The following NLRP12 variants were observed in gnomAD, a reference collection of about 807,000 sequenced individuals.
NLRP12 encodes NACHT, LRR and PYD domains-containing protein 12.
In NLRP12, 108 loss-of-function variants were observed where a neutral mutation model predicts 91.2. That is an observed-to-expected ratio of 1.18 (90% CI 1.01 to 1.39). NLRP12 has a LOEUF of 1.39. Among genes scored for constraint, NLRP12 ranks in the 40% most tolerant of loss-of-function variants. The probability of loss-of-function intolerance (pLI) is 0.00; values close to 1 mark genes in which losing one functional copy is unlikely to be tolerated. For missense variants in NLRP12, 1,530 were observed against 1,352.7 expected (o/e 1.13, Z -2.06); for synonymous variants, 613 against 566.7 (o/e 1.08, Z -1.16).
intron 6 of NLRP12, 45 bp from the exon 7 acceptor site, chr19:53,801,442 CTTTTTCTTTTTTTTTT>C: frequency 7.7e-7 from 1 of 1,301,338 alleles, no homozygotes; most frequent in East Asian, 2.7e-5. Flanking sequence ...GCTTTCCTTT[CTTTTTCTTTTTTTTTT>C]TTTTTTTTTT....
At chr19:53,819,437 ATATATATATATATATATATATGTG>A (rs1166198506) in intron 1 of NLRP12, among the ~76,000 whole-genome samples, 1 of 22,918 alleles carries the variant, frequency 4.4e-5, no homozygotes, top group African/African-American at 1.4e-4. Context: ...ATATATATAT[ATATATATATATATATATATATGTG>A]TGTGTGTGTG....
Position 53,811,258 on chromosome 19 carries a change from C to T in NLRP12, c.401G>A (p.Arg134His), listed in dbSNP as rs2092071303. ...GTCTTCCATGAGCCGGAATTTCCTG[C>T]GGACATAGTCCCTGTAGGTTTCCTG... Reference protein sequence around the residue: ...DPQETYRDYVRRKFRLMEDRN... With the variant: ...DPQETYRDYVHRKFRLMEDRN... Residue 134 changes from arginine (R) to histidine (H), a missense_variant, in exon 3 of 10, where the codon CGC becomes CAC. Transcript: ENST00000324134. 1 of 1,613,964 alleles carries T rather than the reference C, an allele frequency of 6.2e-7. No homozygotes were observed. The highest frequency in any genetic ancestry group is 8.5e-7 in the Non-Finnish European group (1 of 1,180,026).
At chr19:53,807,950 G>A (rs138549787) in intron 3 of NLRP12, 11,035 of 398,604 alleles carry the variant, frequency 0.028, 228 homozygotes, top group Middle Eastern at 0.041. Context: ...GGGTTTCACC[G>A]TGTTGGCCAG....
chr19:53,802,866 G>T lies in NLRP12; in HGVS notation c.2585+1086C>A, dbSNP rs150350628. ...ACAGCTCACTGCAGCCTTGGCCTCC[G>T]AGGCTCCTGAATAGCTGGGACTCCA... On this transcript the variant is annotated intron_variant, in intron 6 of 9. Transcript: ENST00000324134. Among the ~76,000 whole-genome samples, 118 of 152,122 alleles carry T rather than the reference G, an allele frequency of 7.8e-4. 1 individual carries two copies. The East Asian group carries it at 0.021, about 27-fold the overall frequency.
intron 1 of NLRP12, among the ~76,000 whole-genome samples, chr19:53,819,129 G>A (rs2092207985): frequency 6.6e-6 from 1 of 151,934 alleles, no homozygotes; most frequent in Non-Finnish European, 1.5e-5. Flanking sequence ...AGAAAAGTGG[G>A]ACTTTACTTT....
chr19:53,803,791 C>T, intron 6 of NLRP12, 161 bp downstream of exon 6: 1 of 696,774 alleles, frequency 1.4e-6, no homozygotes, highest in Non-Finnish European at 2.6e-6. Context: ...CCAGGCTGGT[C>T]TCGAACTCCT....
intron 1 of NLRP12, among the ~76,000 whole-genome samples, chr19:53,822,274 G>T (rs185036007): frequency 6.6e-6 from 1 of 152,210 alleles, no homozygotes; most frequent in Admixed American, 6.6e-5. Flanking sequence ...GTGTGTGTAC[G>T]TAAATTAGAA....
chr19:53,795,047 C>T (rs1012030676), intron 9 of NLRP12, among the ~76,000 whole-genome samples: 1 of 151,940 alleles, frequency 6.6e-6, no homozygotes, highest in Non-Finnish European at 1.5e-5. Context: ...AAAGGATCCT[C>T]CCACCTCAGC....
At chr19:53,806,638 G>C (rs1018363136) in intron 4 of NLRP12, among the ~76,000 whole-genome samples, 7 of 129,006 alleles carry the variant, frequency 5.4e-5, no homozygotes, top group African/African-American at 2.1e-4. Context: ...CCGAGATCAC[G>C]CTACTGCACT....
Position 53,810,081 on chromosome 19 carries a change from A to T in NLRP12, c.1578T>A (p.Tyr526Ter), listed in dbSNP as rs374537127. The T allele has an allele frequency of 1.6e-5, 26 of 1,614,044 alleles. No individual in the cohort carries two copies. The highest frequency in any genetic ancestry group is 2.2e-5 in the Non-Finnish European group (26 of 1,180,032). Residue 526 changes from tyrosine to a stop codon, truncating the protein, a stop_gained, in exon 3 of 10, where the codon TAT (tyrosine) becomes TAA (stop). Coordinates refer to ENST00000324134, the MANE Select transcript of NLRP12 (RefSeq NM_144687.4). LOFTEE classifies it high-confidence loss of function. ...SFQEFFAAMY[Y>*]ILDEGEGGAG... ...CCCCGCCCTCCCCCTCGTCCAGGATATAGTACATAGCTGCAAAGAATTCCT... is the reference window on the plus strand; with the variant it reads ...CCCCGCCCTCCCCCTCGTCCAGGATTTAGTACATAGCTGCAAAGAATTCCT...
At position 53,815,047 on chromosome 19, in the gene NLRP12, T is replaced by C. The variant is rs934301982; in HGVS notation, c.290-59A>G. 9.3e-6 allele frequency: 12 copies of C among 1,285,046 alleles called. 1 individual carries two copies. The highest frequency in any genetic ancestry group is 1.4e-5 in the Non-Finnish European group (12 of 880,570). 79.6% of individuals were successfully genotyped at this position (1,285,046 alleles called of 1,614,324 possible). A position where few individuals can be genotyped will look rare whatever the true frequency, so the allele number is the denominator to read the frequency against. Reference sequence around the variant, plus strand: ...GCATCTGGCTAGTAGCACCGCGTCATATTAGCTGCGATTACGTCGAAATGC... The same window carrying C: ...GCATCTGGCTAGTAGCACCGCGTCACATTAGCTGCGATTACGTCGAAATGC... On this transcript the variant is annotated intron_variant, in intron 1 of 9. Transcript: ENST00000324134.
chr19:53,805,343 A>G lies in NLRP12; in HGVS notation c.2351T>C (p.Phe784Ser). 1 of 1,614,034 alleles carries G rather than the reference A, an allele frequency of 6.2e-7. No homozygotes were observed. The highest frequency in any genetic ancestry group is 8.5e-7 in the Non-Finnish European group (1 of 1,179,994). Residue 784 changes from phenylalanine (F) to serine (S), a missense_variant, in exon 5 of 10, where the codon TTC becomes TCC. Phe to Ser is a radical substitution (Grantham distance 155). Coordinates refer to ENST00000324134, the MANE Select transcript of NLRP12 (RefSeq NM_144687.4). ...RMDLSGNGVGFPGMMLLCEGL... is the reference protein window; with the variant it reads ...RMDLSGNGVGSPGMMLLCEGL... ...CTCGCAAAGCAGCATCATGCCTGGG[A>G]ATCCAACGCCGTTGCCACTGAGATC...
intron 1 of NLRP12, among the ~76,000 whole-genome samples, chr19:53,818,475 G>A (rs2092196158): frequency 6.6e-6 from 1 of 151,940 alleles, no homozygotes; most frequent in African/African-American, 2.4e-5. Flanking sequence ...AGACCATCCT[G>A]GCTAATATGG....
intron 1 of NLRP12, 63 bp from the exon 2 acceptor site, chr19:53,815,051 A>C: frequency 8.0e-7 from 1 of 1,242,332 alleles, no homozygotes; most frequent in Non-Finnish European, 1.2e-6. Flanking sequence ...GCGTCATATT[A>C]GCTGCGATTA....
At chr19:53,795,016 C>T (rs1412174271) in intron 9 of NLRP12, among the ~76,000 whole-genome samples, 3 of 151,960 alleles carry the variant, frequency 2.0e-5, no homozygotes, top group Non-Finnish European at 2.9e-5. Context: ...TGGTTCACTG[C>T]AGCCTTGAAC....
chr19:53,796,947 G>T (rs572865272), intron 8 of NLRP12, among the ~76,000 whole-genome samples: 15 of 145,074 alleles, frequency 1.0e-4, no homozygotes, highest in Admixed American at 6.9e-5. Flanking sequence ...AGCCAAGATC[G>T]TGCCACTGCA....
intron 8 of NLRP12, 160 bp from the exon 9 acceptor site, chr19:53,796,189 C>T: frequency 1.4e-6 from 1 of 700,726 alleles, no homozygotes; most frequent in Non-Finnish European, 2.6e-6. Flanking sequence ...GCCTCAGCCT[C>T]CTGAGTAGCT....
chr19:53,808,793 T>G (rs541075316), intron 3 of NLRP12: 6 of 152,144 alleles, frequency 3.9e-5, no homozygotes, highest in Non-Finnish European at 8.8e-5. Flanking sequence ...GTGGCACTAT[T>G]GACACTTTGG....
intron 7 of NLRP12, among the ~76,000 whole-genome samples, chr19:53,799,256 C>T (rs191163046): frequency 0.012 from 1,875 of 151,968 alleles, 32 homozygotes; most frequent in African/African-American, 0.041. Context: ...GTGATCCACC[C>T]GCCTCAGCCT....
Sources: allele counts gnomAD v4.1 joint callset (sites outside exome capture counted in the v4.1 genomes callset), GRCh38; gene constraint gnomAD v4.1.1; transcripts MANE v1.5; gene names NCBI Gene and HGNC (gene_info 2026-07-23, HGNC 2026-07-21).